Variants in LRRC37A2 observed in about 807,000 individuals in gnomAD.
LRRC37A2 encodes the protein leucine rich repeat containing 37 member A2.
A neutral mutation model predicts 68.8 loss-of-function variants in LRRC37A2; 9 were observed. That is an observed-to-expected ratio of 0.13 (90% CI 0.08 to 0.23). The LOEUF (loss-of-function observed/expected upper bound fraction) is 0.23. Among genes scored for constraint, LRRC37A2 ranks in the 10% least tolerant of loss-of-function variants. LRRC37A2 has a pLI of 1.00. For synonymous variants in LRRC37A2, 63 were observed against 367.6 expected, an observed-to-expected ratio of 0.17 and a Z score of 9.48; for missense variants, 168 against 950.4, an observed-to-expected ratio of 0.18 and a Z score of 10.82.
At chr17:46,872,911 C>A in the LRRC37A2 span, 2 of 1,095,294 alleles carry the variant, frequency 1.8e-6, no homozygotes, top group Non-Finnish European at 1.2e-6. Context: ...AGCACGGTCC[C>A]AAATGAGAAG....
At chr17:46,458,035 AGAACAATGCCAT>A in the LRRC37A2 span, among the ~76,000 whole-genome samples, 1 of 71,920 alleles carries the variant, frequency 1.4e-5, no homozygotes, top group Non-Finnish European at 3.8e-5. Flanking sequence ...TGACAGTTTA[AGAACAATGCCAT>A]GAGATTTCTG....
the LRRC37A2 span, among the ~76,000 whole-genome samples, chr17:46,767,773 GTTT>G: frequency 1.3e-5 from 2 of 150,518 alleles, no homozygotes; most frequent in Non-Finnish European, 3.0e-5. Flanking sequence ...ACTGAATTTT[GTTT>G]TTTTTTGTTT....
At chr17:46,622,329 G>A in the LRRC37A2 span, among the ~76,000 whole-genome samples, 1 of 149,404 alleles carries the variant, frequency 6.7e-6, no homozygotes, top group African/African-American at 2.5e-5. Flanking sequence ...GTGGTGGTGG[G>A]TACCTGTAGT....
At chr17:46,806,777 G>A in the LRRC37A2 span, among the ~76,000 whole-genome samples, 1 of 152,252 alleles carries the variant, frequency 6.6e-6, no homozygotes, top group Non-Finnish European at 1.5e-5. Context: ...GAGCCGGTTA[G>A]AGTTGTGAGG....
chr17:46,915,207 A>G, the LRRC37A2 span, among the ~76,000 whole-genome samples: 1 of 152,206 alleles, frequency 6.6e-6, no homozygotes, highest in East Asian at 1.9e-4. Flanking sequence ...CACAGAGGGT[A>G]CGATATGGCT....
chr17:46,916,918 T>G, the LRRC37A2 span: 1 of 152,170 alleles, frequency 6.6e-6, no homozygotes, highest in Non-Finnish European at 1.5e-5. Flanking sequence ...ACTTATCCTT[T>G]TATCAGGAGT....
the LRRC37A2 span, among the ~76,000 whole-genome samples, chr17:46,760,276 C>T: frequency 6.6e-6 from 1 of 151,420 alleles, no homozygotes; most frequent in African/African-American, 2.4e-5. Flanking sequence ...ACTAATCATA[C>T]GATTACAAAT....
At chr17:47,044,711 T>C in the LRRC37A2 span, among the ~76,000 whole-genome samples, 2 of 151,748 alleles carry the variant, frequency 1.3e-5, no homozygotes, top group Admixed American at 6.6e-5. Context: ...AAATAAAAAC[T>C]TGGGGGCAGA....
At chr17:46,392,433 C>T in the LRRC37A2 span, among the ~76,000 whole-genome samples, 3 of 28,690 alleles carry the variant, frequency 1.0e-4, 1 homozygote, top group African/African-American at 2.2e-4. Flanking sequence ...TTCTTTCTCT[C>T]TTTCTTTCTT....
At chr17:46,925,133 T>C in the LRRC37A2 span, among the ~76,000 whole-genome samples, 20 of 152,336 alleles carry the variant, frequency 1.3e-4, no homozygotes, top group South Asian at 6.2e-4. Context: ...CAGTTTTTTC[T>C]ATTAAGGGCC....
chr17:46,844,149 G>A, the LRRC37A2 span, among the ~76,000 whole-genome samples: 1 of 151,814 alleles, frequency 6.6e-6, no homozygotes, highest in Non-Finnish European at 1.5e-5. Context: ...TATTAGCAGG[G>A]TCTCACTGTG....
At chr17:46,984,776 C>T in the LRRC37A2 span, among the ~76,000 whole-genome samples, 2 of 152,168 alleles carry the variant, frequency 1.3e-5, no homozygotes, top group Non-Finnish European at 2.9e-5. Context: ...TTAAATTGTT[C>T]ACGTTTGTCA....
At chr17:46,944,174 C>T in the LRRC37A2 span, among the ~76,000 whole-genome samples, 1 of 152,206 alleles carries the variant, frequency 6.6e-6, no homozygotes, top group South Asian at 2.1e-4. Context: ...ATTCCGTCTT[C>T]CAGAGCCCTG....
chr17:46,812,329 C>T, the LRRC37A2 span, among the ~76,000 whole-genome samples: 1 of 152,014 alleles, frequency 6.6e-6, no homozygotes, highest in Non-Finnish European at 1.5e-5. Flanking sequence ...CATACCTCCA[C>T]CCCCCTACCC....
At chr17:46,768,360 T>C in the LRRC37A2 span, 1 of 1,613,848 alleles carries the variant, frequency 6.2e-7, no homozygotes, top group Non-Finnish European at 8.5e-7. This position sits in a 1 kb window ranked among gnomAD's most constrained non-coding sequence, Gnocchi z 5.0. Flanking sequence ...AATACACTCC[T>C]GGCAGCTGAC....
chr17:47,006,827 CAGA>C, the LRRC37A2 span, among the ~76,000 whole-genome samples: 1 of 152,212 alleles, frequency 6.6e-6, no homozygotes, highest in East Asian at 1.9e-4. Context: ...TGAAAGTACA[CAGA>C]AGCTGTGGGC....
the LRRC37A2 span, among the ~76,000 whole-genome samples, chr17:46,928,560 G>A: frequency 1.3e-5 from 2 of 152,158 alleles, no homozygotes; most frequent in African/African-American, 4.8e-5. Context: ...TGGCCAGACC[G>A]TGGGAAGCCT....
chr17:46,694,924 AG>A, the LRRC37A2 span, among the ~76,000 whole-genome samples: 1 of 125,290 alleles, frequency 8.0e-6, no homozygotes, highest in Non-Finnish European at 1.7e-5. Flanking sequence ...ATTTTGAAGA[AG>A]TGTTTTTAAA....
chr17:46,786,576 G>T, the LRRC37A2 span, among the ~76,000 whole-genome samples: 7 of 152,396 alleles, frequency 4.6e-5, no homozygotes, highest in South Asian at 1.5e-3. Flanking sequence ...AAGGACACAT[G>T]CTGAGAGCTG....
Sources: gnomAD v4.1 joint callset for allele counts (sites outside exome capture counted in the v4.1 genomes callset) on GRCh38, gnomAD v4.1.1 for gene constraint, Gnocchi (gnomAD v3.1) non-coding constraint, MANE v1.5 for transcripts, NCBI Gene and HGNC (gene_info 2026-07-23, HGNC 2026-07-21) for gene names.